SH3RF3: variants seen among roughly 807,000 people sequenced by gnomAD.
SH3RF3 encodes the protein SH3 domain containing ring finger 3.
A neutral mutation model predicts 66.3 loss-of-function variants in SH3RF3; 29 were observed. The observed-to-expected ratio is 0.44, with a 90% confidence interval of 0.33 to 0.60. The LOEUF (loss-of-function observed/expected upper bound fraction) is 0.60. SH3RF3 is among the 20% of genes least tolerant of loss of function. The probability of loss-of-function intolerance (pLI) is 0.04; values close to 1 mark genes in which losing one functional copy is unlikely to be tolerated. For missense variants in SH3RF3, 1,194 were observed against 1,190.9 expected, an observed-to-expected ratio of 1.00 and a Z score of -0.04; for synonymous variants, 583 against 532.0, an observed-to-expected ratio of 1.10 and a Z score of -1.32.
At chr2:109,321,167 G>A (rs1007299745) in intron 1 of SH3RF3, among the ~76,000 whole-genome samples, 2 of 152,218 alleles carry the variant, frequency 1.3e-5, no homozygotes, top group South Asian at 2.1e-4. Context: ...CCTCTCAAAC[G>A]CTTCTTTGCA....
At chr2:109,390,395 T>C (rs1051275253) in intron 3 of SH3RF3, among the ~76,000 whole-genome samples, 6 of 152,144 alleles carry the variant, frequency 3.9e-5, no homozygotes, top group Non-Finnish European at 7.4e-5. Flanking sequence ...CCTGGTACTT[T>C]TATGGACTTG....
chr2:109,398,689 GC>G lies in SH3RF3; in HGVS notation c.1047del (p.Ser350AlafsTer8). 6.2e-7 allele frequency: 1 copy of G among 1,610,992 alleles called. No individual in the cohort carries two copies. Among genetic ancestry groups the G allele is most frequent in the Non-Finnish European group, 8.5e-7 (1 of 1,178,856 alleles). On this transcript the variant is annotated frameshift_variant, in exon 4 of 10. Transcript: ENST00000309415. LOFTEE classifies it high-confidence loss of function. ...ASLPSDSGAV[A>X]SVAPSPTLSS... ...CCTGCCCTCTGACTCCGGCGCTGTG[GC>G]CAGCGTGGCCCCAAGTCCCACTTTA...
At chr2:109,464,485 T>C (rs1220581608) in intron 8 of SH3RF3, among the ~76,000 whole-genome samples, 1 of 152,202 alleles carries the variant, frequency 6.6e-6, no homozygotes, top group African/African-American at 2.4e-5. Context: ...TCTGTACACA[T>C]ATACAGATGC....
At chr2:109,440,837 C>T (rs1677540191) in intron 7 of SH3RF3, among the ~76,000 whole-genome samples, 1 of 152,128 alleles carries the variant, frequency 6.6e-6, no homozygotes, top group African/African-American at 2.4e-5. Context: ...TGCATATGAA[C>T]ATGAGAAACG....
chr2:109,376,847 C>T (rs778230236), intron 3 of SH3RF3, among the ~76,000 whole-genome samples: 3 of 152,172 alleles, frequency 2.0e-5, no homozygotes, highest in East Asian at 1.9e-4. Flanking sequence ...CAGTAAAGGG[C>T]GGGGAGGAAG....
intron 3 of SH3RF3, among the ~76,000 whole-genome samples, chr2:109,389,485 G>A (rs1007533958): frequency 5.9e-5 from 9 of 152,170 alleles, no homozygotes; most frequent in Non-Finnish European, 8.8e-5. Flanking sequence ...CATACCACAT[G>A]GACGCATGCC....
chr2:109,135,282 C>T (rs1422173769), intron 1 of SH3RF3, among the ~76,000 whole-genome samples: 1 of 152,226 alleles, frequency 6.6e-6, no homozygotes, highest in African/African-American at 2.4e-5. Context: ...TGCCTTTTCT[C>T]CTGAGGCGGT....
intron 8 of SH3RF3, among the ~76,000 whole-genome samples, chr2:109,473,410 A>T (rs1365145218): frequency 6.6e-6 from 1 of 152,104 alleles, no homozygotes; most frequent in Non-Finnish European, 1.5e-5. Context: ...TTTGGCACCA[A>T]ATTGGGACAA....
chr2:109,168,601 T>A (rs919598997), intron 1 of SH3RF3, among the ~76,000 whole-genome samples: 2 of 152,220 alleles, frequency 1.3e-5, no homozygotes, highest in Admixed American at 6.5e-5. Context: ...GACTGACTGA[T>A]CTGGCCGTAG....
intron 4 of SH3RF3, among the ~76,000 whole-genome samples, chr2:109,403,515 T>C (rs1360194359): frequency 1.3e-5 from 2 of 152,230 alleles, no homozygotes; most frequent in South Asian, 2.1e-4. Flanking sequence ...TGTCAGGACA[T>C]GGTTATCACT....
intron 1 of SH3RF3, among the ~76,000 whole-genome samples, chr2:109,142,773 T>C (rs1187964476): frequency 6.6e-6 from 1 of 152,202 alleles, no homozygotes; most frequent in Non-Finnish European, 1.5e-5. Flanking sequence ...CGAGGATTGT[T>C]GTTGACTGAT....
intron 1 of SH3RF3, among the ~76,000 whole-genome samples, chr2:109,229,990 A>G (rs1411843653): frequency 6.6e-6 from 1 of 151,730 alleles, no homozygotes; most frequent in Non-Finnish European, 1.5e-5. Flanking sequence ...ATGCCCGGCT[A>G]ATTTTTTGTA....
At chr2:109,190,649 T>C (rs2105020992) in intron 1 of SH3RF3, among the ~76,000 whole-genome samples, 1 of 152,266 alleles carries the variant, frequency 6.6e-6, no homozygotes, top group Non-Finnish European at 1.5e-5. Flanking sequence ...ATCTTTCTTA[T>C]TGTTTCATTT....
chr2:109,308,108 T>C (rs1044258092), intron 1 of SH3RF3, among the ~76,000 whole-genome samples: 19 of 145,514 alleles, frequency 1.3e-4, no homozygotes, highest in Admixed American at 4.8e-4. Context: ...TTTTAATGAT[T>C]GCCATTCTAA....
rs997056120 is a variant in SH3RF3 at position 109,419,713 on chromosome 2, A to C, written c.1403+71A>C. The C allele has an allele frequency of 2.1e-6, 3 of 1,438,778 alleles. No individual in the cohort carries two copies. The East Asian group carries it at 7.5e-5, about 36-fold the overall frequency. 89.1% of individuals were successfully genotyped at this position (1,438,778 alleles called of 1,614,324 possible). A position where few individuals can be genotyped will look rare whatever the true frequency, so the allele number is the denominator to read the frequency against. ...CCCTCCTGCCTGGGCTGACCTGTCC[A>C]CGTGTGGTTTCCGCAGGGTTTTCCC... On this transcript the variant is annotated intron_variant, in intron 5 of 9. Transcript: ENST00000309415.
chr2:109,300,188 G>A (rs1054319756), intron 1 of SH3RF3, among the ~76,000 whole-genome samples: 2 of 151,962 alleles, frequency 1.3e-5, no homozygotes, highest in African/African-American at 4.8e-5. Flanking sequence ...CTCTCGAGAG[G>A]GCATCCTGAA....
chr2:109,164,135 T>C (rs1677560036), intron 1 of SH3RF3, among the ~76,000 whole-genome samples: 1 of 152,162 alleles, frequency 6.6e-6, no homozygotes, highest in Admixed American at 6.5e-5. Context: ...CTTAAGGAAT[T>C]ATTTTTGGTC....
At chr2:109,230,059 C>T (rs956533001) in intron 1 of SH3RF3, among the ~76,000 whole-genome samples, 10 of 151,852 alleles carry the variant, frequency 6.6e-5, no homozygotes, top group African/African-American at 2.2e-4. Flanking sequence ...CTCTTGACTT[C>T]GTGATCCGCC....
chr2:109,403,322 C>T (rs549507690), intron 4 of SH3RF3, among the ~76,000 whole-genome samples: 1 of 152,308 alleles, frequency 6.6e-6, no homozygotes, highest in South Asian at 2.1e-4. Flanking sequence ...ATCTCACCTC[C>T]TCTGTCCTGG....
Sources: allele counts gnomAD v4.1 joint callset (sites outside exome capture counted in the v4.1 genomes callset), GRCh38; gene constraint gnomAD v4.1.1; transcripts MANE v1.5; gene names NCBI Gene and HGNC (gene_info 2026-07-23, HGNC 2026-07-21).